MAGI1: variants seen among roughly 807,000 people sequenced by gnomAD.
The protein encoded by MAGI1 is membrane-associated guanylate kinase, WW and PDZ domain-containing protein 1.
MAGI1 carries 58 observed loss-of-function variants against 139.9 expected under a neutral mutation model. The observed-to-expected ratio is 0.41, with a 90% CI of 0.34 to 0.52. The LOEUF (loss-of-function observed/expected upper bound fraction) is 0.52, where lower values mean the gene tolerates loss of function less well. Among genes scored for constraint, MAGI1 ranks in the 20% least tolerant of loss-of-function variants. The probability of loss-of-function intolerance (pLI) is 0.12; values close to 1 mark genes in which losing one functional copy is unlikely to be tolerated. For synonymous variants in MAGI1, 812 were observed against 737.9 expected, an observed-to-expected ratio of 1.10 and a Z score of -1.63; for missense variants, 1,874 against 1,901.6, an observed-to-expected ratio of 0.99 and a Z score of 0.27.
chr3:65,664,780 G>A (rs13064865), intron 1 of MAGI1, among the ~76,000 whole-genome samples: 1 of 152,120 alleles, frequency 6.6e-6, no homozygotes, highest in African/African-American at 2.4e-5. Context: ...TTCTGTTTCA[G>A]GTCTCACACT....
intron 21 of MAGI1, among the ~76,000 whole-genome samples, chr3:65,362,229 A>G (rs1217241800): frequency 2.0e-5 from 3 of 152,220 alleles, no homozygotes; most frequent in Non-Finnish European, 4.4e-5. Flanking sequence ...GCATCAAATC[A>G]GGTAATACAT....
At chr3:65,683,745 A>G (rs1445654197) in intron 1 of MAGI1, among the ~76,000 whole-genome samples, 1 of 151,652 alleles carries the variant, frequency 6.6e-6, no homozygotes, top group East Asian at 1.9e-4. Flanking sequence ...TTAAACCACA[A>G]TGAGAGCACT....
chr3:65,938,576 TC>T (rs1169895657), intron 1 of MAGI1, among the ~76,000 whole-genome samples: 1 of 151,918 alleles, frequency 6.6e-6, no homozygotes, highest in African/African-American at 2.4e-5. Flanking sequence ...TGACACTTCT[TC>T]CTTTTCCGCA....
chr3:65,755,510 G>A (rs1477286493), intron 1 of MAGI1, among the ~76,000 whole-genome samples: 2 of 148,830 alleles, frequency 1.3e-5, no homozygotes, highest in African/African-American at 2.5e-5. Flanking sequence ...GGGAACAGTG[G>A]GGGTGGTAAT....
chr3:65,684,175 AAAAAAAAAAAAG>A (rs2087820849), intron 1 of MAGI1, among the ~76,000 whole-genome samples: 3 of 150,150 alleles, frequency 2.0e-5, no homozygotes, highest in African/African-American at 7.3e-5. Context: ...CTCAAAAAAA[AAAAAAAAAAAAG>A]AAAAGAAAAG....
chr3:65,413,972 T>G (rs2107218054), intron 12 of MAGI1, among the ~76,000 whole-genome samples: 1 of 152,238 alleles, frequency 6.6e-6, no homozygotes, highest in African/African-American at 2.4e-5. Flanking sequence ...ACGAAATACA[T>G]GCTGACCCAG....
At chr3:65,738,866 C>T (rs968449224) in intron 1 of MAGI1, among the ~76,000 whole-genome samples, 9 of 152,170 alleles carry the variant, frequency 5.9e-5, no homozygotes, top group African/African-American at 1.4e-4. Flanking sequence ...TTTGTTATTC[C>T]ATATATAGAG....
intron 1 of MAGI1, among the ~76,000 whole-genome samples, chr3:65,679,071 T>A (rs1472540506): frequency 1.3e-5 from 2 of 152,158 alleles, no homozygotes; most frequent in Non-Finnish European, 2.9e-5. Flanking sequence ...CAGCTAAGCA[T>A]ATCTTTGGAC....
chr3:65,982,621 T>C (rs1322778637), intron 1 of MAGI1, among the ~76,000 whole-genome samples: 2 of 152,214 alleles, frequency 1.3e-5, no homozygotes, highest in African/African-American at 2.4e-5. Context: ...GAGACAATTA[T>C]GGTCTCATAA....
At chr3:66,017,497 C>T (rs1414791416) in intron 1 of MAGI1, among the ~76,000 whole-genome samples, 1 of 152,184 alleles carries the variant, frequency 6.6e-6, no homozygotes, top group Non-Finnish European at 1.5e-5. Flanking sequence ...CCACCTGTCA[C>T]CAGGCAACAA....
chr3:65,754,534 A>G (rs1559850623), intron 1 of MAGI1, among the ~76,000 whole-genome samples: 1 of 152,262 alleles, frequency 6.6e-6, no homozygotes. Context: ...GTATTTCATG[A>G]TTCACTTTCT....
At chr3:65,866,085 T>G (rs1311443876) in intron 1 of MAGI1, among the ~76,000 whole-genome samples, 1 of 152,046 alleles carries the variant, frequency 6.6e-6, no homozygotes, top group Admixed American at 6.6e-5. Context: ...TTTACAATTA[T>G]TAAGTAAACA....
At chr3:65,587,625 C>A (rs2081753733) in intron 2 of MAGI1, among the ~76,000 whole-genome samples, 2 of 151,830 alleles carry the variant, frequency 1.3e-5, no homozygotes, top group Middle Eastern at 3.4e-3. Flanking sequence ...GGACTACAGG[C>A]ACATGCCACC....
At chr3:65,920,006 T>A (rs879159375) in intron 1 of MAGI1, among the ~76,000 whole-genome samples, 8 of 152,186 alleles carry the variant, frequency 5.3e-5, no homozygotes, top group Admixed American at 4.6e-4. Context: ...AGGTCCGATG[T>A]TTAAATTCAC....
At chr3:65,449,938 G>A (rs1332326662) in intron 6 of MAGI1, among the ~76,000 whole-genome samples, 1 of 152,178 alleles carries the variant, frequency 6.6e-6, no homozygotes, top group Non-Finnish European at 1.5e-5. Flanking sequence ...ATTCCCTGAA[G>A]TATAACCTGA....
At chr3:65,980,042 CA>C (rs2065487043) in intron 1 of MAGI1, among the ~76,000 whole-genome samples, 2 of 152,144 alleles carry the variant, frequency 1.3e-5, no homozygotes, top group South Asian at 4.1e-4. Context: ...GGGCAACCGA[CA>C]CATCTGGATG....
At chr3:65,650,087 A>G (rs2085496698) in intron 1 of MAGI1, among the ~76,000 whole-genome samples, 1 of 152,120 alleles carries the variant, frequency 6.6e-6, no homozygotes, top group African/African-American at 2.4e-5. Context: ...TCATGACTGG[A>G]TTACTGCTAT....
rs1350964514 is a variant in MAGI1, at chr3:65,355,589, T to G, written c.*789A>C. 3.9e-5 allele frequency: 6 copies of G among 152,658 alleles called. No homozygotes were observed. The South Asian group carries it at 1.0e-3, about 26-fold the overall frequency. 9.5% of individuals were successfully genotyped at this position (152,658 alleles called of 1,614,324 possible). ...TCCTCGTAGTAATTGAGCAAAGCTG[T>G]GATGGCATTGCCTTCAATGAGATTT... is the stretch of plus-strand genomic sequence containing the variant. On this transcript the variant is annotated 3_prime_UTR_variant, in exon 23 of 23. Coordinates refer to ENST00000402939, the MANE Select transcript of MAGI1 (RefSeq NM_001033057.2).
chr3:65,682,912 C>T (rs1034696682), intron 1 of MAGI1, among the ~76,000 whole-genome samples: 24 of 152,056 alleles, frequency 1.6e-4, no homozygotes, highest in Admixed American at 5.2e-4. Flanking sequence ...ATTTTTCCAA[C>T]GGATGGGGAC....
Sources: gnomAD v4.1 joint callset for allele counts (sites outside exome capture counted in the v4.1 genomes callset) on GRCh38, gnomAD v4.1.1 for gene constraint, MANE v1.5 for transcripts, NCBI Gene and HGNC (gene_info 2026-07-23, HGNC 2026-07-21) for gene names.